The following ABLIM1 variants were observed in gnomAD, a reference collection of about 807,000 sequenced individuals.
ABLIM1 encodes the protein actin binding LIM protein 1.
ABLIM1 carries 40 observed loss-of-function variants against 107.0 expected under a neutral mutation model. The observed-to-expected ratio is 0.37, with a 90% CI of 0.29 to 0.49. The LOEUF (loss-of-function observed/expected upper bound fraction) is 0.49, where lower values mean the gene tolerates loss of function less well. Ranked by LOEUF, ABLIM1 falls within the 20% of genes least tolerant of loss-of-function variation. The pLI, the probability that ABLIM1 is intolerant of heterozygous loss-of-function variation, is 0.97. For synonymous variants in ABLIM1, 357 were observed against 357.3 expected (o/e 1.00, Z 0.01); for missense variants, 857 against 1,008.5 (o/e 0.85, Z 2.04).
chr10:114,797,232 A>G, the ABLIM1 span, among the ~76,000 whole-genome samples: 7 of 152,198 alleles, frequency 4.6e-5, no homozygotes, highest in African/African-American at 1.7e-4. Context: ...ATTAGATTTT[A>G]AGTTCCATCA....
In ABLIM1 at chr10:114,453,432, C is replaced by T; in HGVS notation, c.1493G>A (p.Ser498Asn). Residue 498 changes from serine to asparagine, a missense_variant, in exon 13 of 23, where the codon AGC becomes AAC. By Grantham distance (46) the Ser-to-Asn change is conservative. Around this residue, in one of 5 missense-constraint regions of ABLIM1, gnomAD observed 381 missense variants for 506.9 expected, o/e 0.75. Transcript: ENST00000533213. ...AGCGTAAGTTGGAGTTAGAGGGCGG[C>T]TGTCTGGCCGGTAAGGGAGAGGGGA... is the stretch of plus-strand genomic sequence containing the variant. ...RNSPLPYRPD[S>N]RPLTPTYAQA... 1 of 1,613,676 alleles carries T rather than the reference C, an allele frequency of 6.2e-7. No individual in the cohort carries two copies. The highest frequency in any genetic ancestry group is 1.1e-5 in the South Asian group (1 of 91,028).
intron 4 of ABLIM1, among the ~76,000 whole-genome samples, chr10:114,556,615 C>T (rs2068765146): frequency 6.6e-6 from 1 of 152,184 alleles, no homozygotes; most frequent in Non-Finnish European, 1.5e-5. Context: ...ATCTTTGAGG[C>T]AGAAATGATT....
chr10:114,693,309 A>C (rs2081122636), intron 1 of ABLIM1, among the ~76,000 whole-genome samples: 1 of 152,226 alleles, frequency 6.6e-6, no homozygotes, highest in South Asian at 2.1e-4. Flanking sequence ...AAATAAACAC[A>C]CATGTTGAAA....
chr10:114,632,244 C>A, intron 1 of ABLIM1: 1 of 985,416 alleles, frequency 1.0e-6, no homozygotes, highest in Non-Finnish European at 1.2e-6. Flanking sequence ...CTGTCCTAAT[C>A]TCTGGTCACT....
Position 114,447,920 on chromosome 10 carries a change from C to G in ABLIM1, c.1695G>C (p.Glu565Asp), listed in dbSNP as rs1249253943. 2.5e-6 allele frequency: 4 copies of G among 1,614,002 alleles called. No individual in the cohort carries two copies. The highest frequency in any genetic ancestry group is 3.4e-6 in the Non-Finnish European group (4 of 1,180,028). ...AGGGGGGACCAGGCCAGTGGTCCGT[C>G]TCAATCTTTGGTGTCTCGCTGGGGT... ...APDPSETPKI[E>D]TDHWPGPPSF... The change falls in exon 15 of 23, where the codon GAG becomes GAC. Residue 565 changes from glutamate to aspartate, a missense_variant. Glu to Asp is a conservative substitution (Grantham distance 45). Around this residue, in one of 5 missense-constraint regions of ABLIM1, gnomAD observed 103 missense variants for 101.0 expected, o/e 1.02. Coordinates refer to ENST00000533213, the MANE Select transcript of ABLIM1 (RefSeq NM_002313.7).
In ABLIM1 at chr10:114,657,986, C is replaced by A. The variant is rs112965048; in HGVS notation, c.215G>T (p.Gly72Val). Residue 72 changes from glycine (G) to valine (V), a missense_variant, in exon 1 of 23, where the codon GGG (glycine) becomes GTG (valine). By Grantham distance (109) the Gly-to-Val change is moderately radical. This residue lies in a region of ABLIM1 where 176 missense variants were observed against 173.5 expected (regional missense o/e 1.01). Transcript: ENST00000533213. ...YLCPKDYCPR[G>V]RVCNSVDPFV... ...AGGATCAACGCTGTTACATACACGC[C>A]CACGTGGGCAGTAGTCCTTGGGACA... 6.2e-7 allele frequency: 1 copy of A among 1,613,916 alleles called. No individual in the cohort carries two copies. Among genetic ancestry groups the A allele is most frequent in the Non-Finnish European group, 8.5e-7 (1 of 1,179,854 alleles).
chr10:114,470,316 G>T (rs180863046), intron 10 of ABLIM1, among the ~76,000 whole-genome samples: 3 of 150,650 alleles, frequency 2.0e-5, no homozygotes, highest in African/African-American at 4.9e-5. Context: ...TCAGCTACTT[G>T]GGAAGCTGAG....
chr10:114,750,338 A>G (rs1379857073), intron 1 of ABLIM1, among the ~76,000 whole-genome samples: 2 of 152,254 alleles, frequency 1.3e-5, no homozygotes, highest in African/African-American at 2.4e-5. Context: ...ACCCTTCTTT[A>G]GAGAAATAAA....
At chr10:114,541,636 T>C (rs1214068400) in intron 6 of ABLIM1, among the ~76,000 whole-genome samples, 1 of 152,170 alleles carries the variant, frequency 6.6e-6, no homozygotes, top group Admixed American at 6.5e-5. Flanking sequence ...AGGCTGAACA[T>C]GGTGCAAACT....
In ABLIM1 at chr10:114,557,406, C is replaced by T. The variant is rs146758954; in HGVS notation, c.674-9630G>A. ...CCCATAATAGCAACAGAGGGTCAGC[C>T]TTCATCAGGAAAGCAGAAGGCAGGC... On this transcript the variant is annotated intron_variant, in intron 4 of 22. Coordinates refer to ENST00000533213, the MANE Select transcript of ABLIM1 (RefSeq NM_002313.7). 6.0e-3 allele frequency among the ~76,000 whole-genome samples: 919 copies of T among 152,252 alleles called. 6 individuals carry two copies. The highest frequency in any genetic ancestry group is 0.02 in the African/African-American group (827 of 41,538).
intron 1 of ABLIM1, among the ~76,000 whole-genome samples, chr10:114,634,679 T>C (rs1317341371): frequency 5.3e-5 from 8 of 151,604 alleles, no homozygotes; most frequent in Non-Finnish European, 1.0e-4. Context: ...AGAGAGATTT[T>C]CCCCCCGCCT....
chr10:114,766,121 ATAATCTC>A (rs2082886878), intron 1 of ABLIM1, among the ~76,000 whole-genome samples: 1 of 152,358 alleles, frequency 6.6e-6, no homozygotes, highest in Non-Finnish European at 1.5e-5. Context: ...GGCAAATTTT[ATAATCTC>A]TCAAAACCTC....
Position 114,485,439 on chromosome 10 carries a change from A to C in ABLIM1, c.1041+2519T>G, listed in dbSNP as rs1308474558. 2.1e-6 allele frequency: 3 copies of C among 1,423,356 alleles called. No individual in the cohort carries two copies. In the East Asian group the frequency reaches 7.5e-5, roughly 36 times the overall value. 88.2% of individuals were successfully genotyped at this position (1,423,356 alleles called of 1,614,324 possible). A position where few individuals can be genotyped will look rare whatever the true frequency, so the allele number is the denominator to read the frequency against. ...CACAGAAATAGCCTCAAATCAGAAG[A>C]ATTATTTTAAAAAATAAAACAAAAC... On this transcript the variant is annotated intron_variant, in intron 8 of 22. Transcript: ENST00000533213.
chr10:114,792,925 G>A, the ABLIM1 span, among the ~76,000 whole-genome samples: 2 of 152,294 alleles, frequency 1.3e-5, no homozygotes, highest in African/African-American at 2.4e-5. Context: ...GCAGAAGTGG[G>A]AAGATCACCT....
At chr10:114,492,521 T>C (rs1427729852) in intron 6 of ABLIM1, among the ~76,000 whole-genome samples, 3 of 152,236 alleles carry the variant, frequency 2.0e-5, no homozygotes, top group East Asian at 1.9e-4. Flanking sequence ...ATATGACAGA[T>C]GCCATCACAG....
chr10:114,552,496 A>G (rs1415434742), intron 4 of ABLIM1, among the ~76,000 whole-genome samples: 32 of 151,904 alleles, frequency 2.1e-4, no homozygotes, highest in Non-Finnish European at 4.0e-4. Context: ...ACATGGAAAA[A>G]AAAAAAAAAA....
chr10:114,593,211 T>A (rs2075086892), intron 2 of ABLIM1, among the ~76,000 whole-genome samples: 1 of 152,216 alleles, frequency 6.6e-6, no homozygotes, highest in South Asian at 2.1e-4. Flanking sequence ...TCTTCCTTGA[T>A]AAAGCTGGGT....
At chr10:114,758,226 T>C (rs1364227060) in intron 1 of ABLIM1, among the ~76,000 whole-genome samples, 1 of 152,166 alleles carries the variant, frequency 6.6e-6, no homozygotes, top group Non-Finnish European at 1.5e-5. Flanking sequence ...CTCCAAAACC[T>C]AGACCACTTA....
chr10:114,786,744 G>A, the ABLIM1 span, among the ~76,000 whole-genome samples: 1 of 152,240 alleles, frequency 6.6e-6, no homozygotes, highest in African/African-American at 2.4e-5. Context: ...TGATCCGCCA[G>A]CCTCCGCCTC....
Sources: allele counts gnomAD v4.1 joint callset (sites outside exome capture counted in the v4.1 genomes callset), GRCh38; gene constraint gnomAD v4.1.1; regional missense constraint gnomAD v4.1.1; transcripts MANE v1.5; gene names NCBI Gene and HGNC (gene_info 2026-07-23, HGNC 2026-07-21).